The following SLC4A4 variants were observed in gnomAD, a reference collection of about 807,000 sequenced individuals.
SLC4A4 encodes electrogenic sodium bicarbonate cotransporter 1.
In SLC4A4, 27 loss-of-function variants were observed where a neutral mutation model predicts 111.5. That is an observed-to-expected ratio of 0.24 (90% CI 0.18 to 0.33). SLC4A4 has a LOEUF of 0.33. SLC4A4 is among the 10% of genes least tolerant of loss of function. The pLI, the probability that SLC4A4 is intolerant of heterozygous loss-of-function variation, is 1.00. For missense variants in SLC4A4, 909 were observed against 1,315.5 expected, an observed-to-expected ratio of 0.69 and a Z score of 4.78; for synonymous variants, 443 against 463.4, an observed-to-expected ratio of 0.96 and a Z score of 0.57.
At chr4:71,475,314 A>G (rs1446646158) in intron 14 of SLC4A4, among the ~76,000 whole-genome samples, 1 of 151,850 alleles carries the variant, frequency 6.6e-6, no homozygotes, top group Non-Finnish European at 1.5e-5. Context: ...ATGTTGGCAG[A>G]GAAGGTAACA....
chr4:71,383,934 G>A (rs1319638082), intron 6 of SLC4A4, among the ~76,000 whole-genome samples: 2 of 152,156 alleles, frequency 1.3e-5, no homozygotes, highest in Non-Finnish European at 2.9e-5. Context: ...AATAATGCCT[G>A]TAGCAGGTAA....
intron 2 of SLC4A4, among the ~76,000 whole-genome samples, chr4:71,111,524 G>GTTTTTTTT (rs150777420): frequency 4.4e-4 from 27 of 60,818 alleles, no homozygotes; most frequent in South Asian, 9.8e-4. Context: ...CCACGCTCAG[G>GTTTTTTTT]TTTTTTTTTT....
At chr4:71,243,369 A>G (rs1720398289) in intron 2 of SLC4A4, among the ~76,000 whole-genome samples, 1 of 152,158 alleles carries the variant, frequency 6.6e-6, no homozygotes, top group Non-Finnish European at 1.5e-5. Context: ...TTCTAACCTG[A>G]ACTAAATATT....
At chr4:71,234,449 G>A (rs1053194427) in intron 1 of SLC4A4, among the ~76,000 whole-genome samples, 7 of 151,962 alleles carry the variant, frequency 4.6e-5, no homozygotes, top group East Asian at 1.9e-4. Flanking sequence ...TTTTTGAGAC[G>A]GAGTCTCACT....
At chr4:71,441,685 TTTCTTTAG>T (rs891246241) in intron 8 of SLC4A4, among the ~76,000 whole-genome samples, 14 of 152,178 alleles carry the variant, frequency 9.2e-5, no homozygotes, top group Admixed American at 7.2e-4. Context: ...AGGCTCAAGA[TTTCTTTAG>T]AGCCTGGTTA....
At chr4:71,149,435 G>A (rs1744258880) in intron 2 of SLC4A4, among the ~76,000 whole-genome samples, 2 of 152,146 alleles carry the variant, frequency 1.3e-5, no homozygotes, top group Admixed American at 1.3e-4. Context: ...TGATCAAGGA[G>A]CAGGAAGTCA....
chr4:71,389,086 A>T (rs529848069), intron 6 of SLC4A4, among the ~76,000 whole-genome samples: 2 of 152,322 alleles, frequency 1.3e-5, no homozygotes, highest in East Asian at 3.9e-4. Flanking sequence ...TAGGGAATTG[A>T]GGTTAAATAG....
chr4:71,460,332 G>A (rs889135090), intron 12 of SLC4A4, among the ~76,000 whole-genome samples: 8 of 151,750 alleles, frequency 5.3e-5, no homozygotes, highest in Non-Finnish European at 1.2e-4. Context: ...GGTTATACTG[G>A]CCTAATGTTT....
At chr4:71,543,011 TGA>T (rs1287423818) in intron 18 of SLC4A4, among the ~76,000 whole-genome samples, 2 of 151,984 alleles carry the variant, frequency 1.3e-5, no homozygotes, top group Non-Finnish European at 2.9e-5. Flanking sequence ...CATGGAACTG[TGA>T]GAGAGAGAGG....
chr4:71,392,034 T>C (rs1034843039), intron 6 of SLC4A4, among the ~76,000 whole-genome samples: 1 of 152,104 alleles, frequency 6.6e-6, no homozygotes, highest in African/African-American at 2.4e-5. Flanking sequence ...TTCTGAAATG[T>C]CAGATGTAAA....
chr4:71,563,941 A>G (rs1737220552), intron 24 of SLC4A4, 52 bp downstream of exon 24: 1 of 1,194,842 alleles, frequency 8.4e-7, no homozygotes, highest in Non-Finnish European at 1.3e-6. Context: ...TTGCACTTAC[A>G]GAGAAAACAC....
chr4:71,151,286 T>A (rs974157015), intron 2 of SLC4A4, among the ~76,000 whole-genome samples: 1 of 152,152 alleles, frequency 6.6e-6, no homozygotes, highest in African/African-American at 2.4e-5. Flanking sequence ...ATAACAAACA[T>A]CTTACTCATT....
chr4:71,135,098 T>A (rs1208993259), intron 2 of SLC4A4, among the ~76,000 whole-genome samples: 1 of 152,138 alleles, frequency 6.6e-6, no homozygotes, highest in African/African-American at 2.4e-5. Context: ...TTCCATGGTG[T>A]GTATGTATGT....
intron 3 of SLC4A4, among the ~76,000 whole-genome samples, chr4:71,259,183 C>T (rs558158127): frequency 6.6e-6 from 1 of 152,304 alleles, no homozygotes; most frequent in African/African-American, 2.4e-5. Flanking sequence ...AACGAAATAT[C>T]TTCCAGTATT....
At chr4:71,214,380 C>T (rs1718302322) in intron 1 of SLC4A4, among the ~76,000 whole-genome samples, 1 of 152,142 alleles carries the variant, frequency 6.6e-6, no homozygotes, top group South Asian at 2.1e-4. Flanking sequence ...TTAGCATTTC[C>T]TGATCAAGAA....
intron 7 of SLC4A4, among the ~76,000 whole-genome samples, chr4:71,411,306 G>T (rs1721339876): frequency 6.6e-6 from 1 of 152,034 alleles, no homozygotes; most frequent in Non-Finnish European, 1.5e-5. Flanking sequence ...GGCAACTGGT[G>T]TTCGCCCATT....
chr4:71,529,791 T>C (rs187078687), intron 16 of SLC4A4, among the ~76,000 whole-genome samples: 188 of 152,296 alleles, frequency 1.2e-3, no homozygotes, highest in Middle Eastern at 0.01. Flanking sequence ...GAACAACTTA[T>C]AGGATATTTG....
intron 5 of SLC4A4, among the ~76,000 whole-genome samples, chr4:71,353,430 G>T (rs767952950): frequency 3.3e-5 from 5 of 152,174 alleles, no homozygotes; most frequent in Non-Finnish European, 7.3e-5. Context: ...CAGATTTCCA[G>T]AAGTGGGGAG....
chr4:71,196,711 A>G (rs1056822682), intron 1 of SLC4A4, among the ~76,000 whole-genome samples: 1 of 151,144 alleles, frequency 6.6e-6, no homozygotes, highest in Non-Finnish European at 1.5e-5. Context: ...GCTAACTCCT[A>G]TAGTCCCAGC....
Sources: allele counts gnomAD v4.1 joint callset (sites outside exome capture counted in the v4.1 genomes callset), GRCh38; gene constraint gnomAD v4.1.1; transcripts MANE v1.5; gene names NCBI Gene and HGNC (gene_info 2026-07-23, HGNC 2026-07-21).